Variants in PCDHA5 observed in about 807,000 individuals in gnomAD.
PCDHA5 encodes protocadherin alpha-5.
A neutral mutation model predicts 61.6 loss-of-function variants in PCDHA5; 43 were observed. The observed-to-expected ratio is 0.70, with a 90% CI of 0.55 to 0.90. The LOEUF is 0.90. PCDHA5 is among the 40% of genes least tolerant of loss of function. PCDHA5 has a pLI of 0.00. For synonymous variants in PCDHA5, 627 were observed against 543.9 expected (o/e 1.15, Z -2.13); for missense variants, 1,298 against 1,222.7 (o/e 1.06, Z -0.92).
At chr5:140,967,113 G>T in intron 1 of PCDHA5, 1 of 1,612,880 alleles carries the variant, frequency 6.2e-7, no homozygotes, top group Non-Finnish European at 8.5e-7. Flanking sequence ...CAGCGGCCTC[G>T]CTGCCTGCTC....
At chr5:140,850,939 G>T in intron 1 of PCDHA5, 1 of 1,506,026 alleles carries the variant, frequency 6.6e-7, no homozygotes, top group Non-Finnish European at 8.9e-7. Context: ...TTTCTTGAAA[G>T]ATATTATCGA....
chr5:140,873,589 A>C (rs1562682260), intron 1 of PCDHA5, among the ~76,000 whole-genome samples: 1 of 152,272 alleles, frequency 6.6e-6, no homozygotes, highest in Non-Finnish European at 1.5e-5. Context: ...TATTAAGCTA[A>C]ACTTAGATGT....
rs370156477 is a variant in PCDHA5 at position 140,876,942 on chromosome 5, G to A, written c.2352+52815G>A. The A allele has an allele frequency of 2.2e-5, 35 of 1,613,660 alleles. 1 individual carries two copies. In the African/African-American group the frequency reaches 4.4e-4, roughly 20 times the overall value. On this transcript the variant is annotated intron_variant, in intron 1 of 3. Transcript: ENST00000529859. ...CGGACGCGCAGAAGAACGCGCTGGT[G>A]TCCTACTCGCTGGTGGAGCGGCGGG...
intron 1 of PCDHA5, among the ~76,000 whole-genome samples, chr5:140,939,048 A>T (rs931079281): frequency 1.3e-5 from 2 of 152,180 alleles, no homozygotes; most frequent in Admixed American, 6.5e-5. Flanking sequence ...GTCTTAGTCC[A>T]TTTGGGCTGC....
chr5:140,988,491 AGG>A (rs2097299997), intron 3 of PCDHA5, among the ~76,000 whole-genome samples: 1 of 152,182 alleles, frequency 6.6e-6, no homozygotes, highest in Non-Finnish European at 1.5e-5. Context: ...TCCCCTACCT[AGG>A]AGAAGCCATG....
At position 140,893,180 on chromosome 5, in the gene PCDHA5, C is replaced by T. The variant is rs1388898676; in HGVS notation, c.2352+69053C>T. Among the ~76,000 whole-genome samples, 3 of 152,208 alleles carry T rather than the reference C, an allele frequency of 2.0e-5. No individual in the cohort carries two copies. In the South Asian group the frequency reaches 6.2e-4, roughly 31 times the overall value. On this transcript the variant is annotated intron_variant, in intron 1 of 3. Coordinates refer to ENST00000529859, the MANE Select transcript of PCDHA5 (RefSeq NM_018908.3). ...TATTGAGGTTGATTCCACATAGTAGCTATTGTGAATAGTGCTGCAGTAAGT... is the reference window on the plus strand; with the variant it reads ...TATTGAGGTTGATTCCACATAGTAGTTATTGTGAATAGTGCTGCAGTAAGT...
chr5:140,840,702 AT>A (rs1776827167), intron 1 of PCDHA5, among the ~76,000 whole-genome samples: 1 of 152,096 alleles, frequency 6.6e-6, no homozygotes, highest in South Asian at 2.1e-4. Flanking sequence ...GGTTCAGGCA[AT>A]TTGACATTTA....
At chr5:140,940,055 C>G (rs1179353318) in intron 1 of PCDHA5, among the ~76,000 whole-genome samples, 1 of 152,064 alleles carries the variant, frequency 6.6e-6, no homozygotes, top group Non-Finnish European at 1.5e-5. Context: ...GATTCTTAAC[C>G]AAATATAAAT....
rs2150119492 is a variant in PCDHA5, at chr5:140,822,805, G to T, written c.1030G>T (p.Asp344Tyr). ...AGTAGTGAAACTCCTGGATGTGAAT[G>T]ATAATACCCCAGAGATGGCCATAAC... is the stretch of plus-strand genomic sequence containing the variant. ...KVVVKLLDVN[D>Y]NTPEMAITTL... The change falls in exon 1 of 4, where the codon GAT (aspartate) becomes TAT (tyrosine). Residue 344 changes from aspartate to tyrosine, a missense_variant. Asp to Tyr is a radical substitution (Grantham distance 160, BLOSUM62 -3). Coordinates refer to ENST00000529859, the MANE Select transcript of PCDHA5 (RefSeq NM_018908.3). The T allele has an allele frequency of 1.2e-6, 2 of 1,614,160 alleles. No individual in the cohort carries two copies. Among genetic ancestry groups the T allele is most frequent in the Non-Finnish European group, 1.7e-6 (2 of 1,180,000 alleles).
At chr5:140,835,228 C>G (rs1260478265) in intron 1 of PCDHA5, 2 of 1,593,870 alleles carry the variant, frequency 1.3e-6, no homozygotes, top group African/African-American at 2.8e-5. Context: ...TACTCCTTCT[C>G]CAGTGATGTT....
intron 1 of PCDHA5, among the ~76,000 whole-genome samples, chr5:140,962,103 T>C (rs1401131367): frequency 1.3e-5 from 2 of 152,020 alleles, no homozygotes; most frequent in African/African-American, 4.8e-5. Flanking sequence ...GCCAGGATGG[T>C]CTCGATCTCC....
chr5:140,921,203 G>A (rs782776779), intron 1 of PCDHA5, among the ~76,000 whole-genome samples: 22 of 151,476 alleles, frequency 1.5e-4, no homozygotes, highest in Non-Finnish European at 2.7e-4. Context: ...GATTGACAAC[G>A]ATAATTCACG....
At chr5:140,875,026 C>T (rs2055229265) in intron 1 of PCDHA5, among the ~76,000 whole-genome samples, 1 of 152,142 alleles carries the variant, frequency 6.6e-6, no homozygotes, top group South Asian at 2.1e-4. Flanking sequence ...TTCTGGCCTA[C>T]TGTATTTGAA....
chr5:140,853,975 C>A, intron 1 of PCDHA5: 1 of 594,170 alleles, frequency 1.7e-6, no homozygotes, highest in Non-Finnish European at 2.2e-6. Flanking sequence ...CAGTTTGAGA[C>A]CAATGTAGTG....
chr5:140,854,175 A>AAAAGAGT, intron 1 of PCDHA5: 1 of 674,398 alleles, frequency 1.5e-6, no homozygotes, highest in Non-Finnish European at 1.8e-6. Context: ...AAAAAAAAAA[A>AAAAGAGT]AGAGTAGTTT....
chr5:140,877,789 A>C, intron 1 of PCDHA5: 1 of 1,614,072 alleles, frequency 6.2e-7, no homozygotes, highest in Non-Finnish European at 8.5e-7. Flanking sequence ...CATGGCCTTC[A>C]GCCCAAGCCT....
intron 2 of PCDHA5, among the ~76,000 whole-genome samples, chr5:140,981,645 A>G (rs2096941816): frequency 6.6e-6 from 1 of 152,126 alleles, no homozygotes; most frequent in Admixed American, 6.6e-5. Context: ...TTCTCTTAGG[A>G]TCCCACTTAT....
At chr5:140,841,570 T>G in intron 1 of PCDHA5, 2 of 1,613,936 alleles carry the variant, frequency 1.2e-6, no homozygotes, top group Non-Finnish European at 8.5e-7. Context: ...AGAATGGCAT[T>G]TTGTTTGTGA....
Position 140,830,271 on chromosome 5 carries a change from C to T in PCDHA5, c.2352+6144C>T, listed in dbSNP as rs2150183888. Reference sequence around the variant, plus strand: ...ACAGCGCTGCGGTGCTCGGCGCCACCCACCGAGGGCGCGTGCACGGCGGAC... The same window carrying T: ...ACAGCGCTGCGGTGCTCGGCGCCACTCACCGAGGGCGCGTGCACGGCGGAC... On this transcript the variant is annotated intron_variant, in intron 1 of 3. Transcript: ENST00000529859. The T allele has an allele frequency of 4.3e-6, 7 of 1,613,820 alleles. 1 individual carries two copies. In the South Asian group the frequency reaches 7.7e-5, roughly 18 times the overall value.
Sources: gnomAD v4.1 joint callset for allele counts (sites outside exome capture counted in the v4.1 genomes callset) on GRCh38, gnomAD v4.1.1 for gene constraint, MANE v1.5 for transcripts, NCBI Gene and HGNC (gene_info 2026-07-23, HGNC 2026-07-21) for gene names.